ADAMTS12: variants seen among roughly 807,000 people sequenced by gnomAD.
The protein encoded by ADAMTS12 is A disintegrin and metalloproteinase with thrombospondin motifs 12.
A neutral mutation model predicts 167.8 loss-of-function variants in ADAMTS12; 118 were observed. The observed-to-expected ratio is 0.70, with a 90% CI of 0.61 to 0.82. The LOEUF is 0.82. Among genes scored for constraint, ADAMTS12 ranks in the 40% least tolerant of loss-of-function variants. The probability of loss-of-function intolerance (pLI) is 0.00; values close to 1 mark genes in which losing one functional copy is unlikely to be tolerated. For missense variants in ADAMTS12, 1,916 were observed against 1,998.8 expected, an observed-to-expected ratio of 0.96 and a Z score of 0.79; for synonymous variants, 704 against 716.9, an observed-to-expected ratio of 0.98 and a Z score of 0.29.
intron 13 of ADAMTS12, among the ~76,000 whole-genome samples, chr5:33,625,457 C>G (rs1202839364): frequency 6.6e-6 from 1 of 152,172 alleles, no homozygotes; most frequent in Non-Finnish European, 1.5e-5. Context: ...AAGCTGACAT[C>G]TACAACCACA....
intron 5 of ADAMTS12, among the ~76,000 whole-genome samples, chr5:33,678,908 T>A (rs1742013297): frequency 6.6e-6 from 1 of 152,028 alleles, no homozygotes; most frequent in Non-Finnish European, 1.5e-5. Flanking sequence ...TGAATTGAAG[T>A]GATATAAATG....
intron 14 of ADAMTS12, among the ~76,000 whole-genome samples, chr5:33,621,586 C>T (rs1279537553): frequency 1.3e-5 from 2 of 152,084 alleles, no homozygotes; most frequent in Non-Finnish European, 2.9e-5. Context: ...CAGTCTTTGA[C>T]ATTTCTAATA....
chr5:33,873,486 T>C (rs916895140), intron 2 of ADAMTS12, among the ~76,000 whole-genome samples: 2 of 152,206 alleles, frequency 1.3e-5, no homozygotes, highest in Non-Finnish European at 2.9e-5. Flanking sequence ...AAATGTTAGT[T>C]CTTTCCAACT....
At chr5:33,744,455 G>T (rs574632001) in intron 3 of ADAMTS12, among the ~76,000 whole-genome samples, 1 of 152,320 alleles carries the variant, frequency 6.6e-6, no homozygotes, top group South Asian at 2.1e-4. Context: ...AAAGAGCTGG[G>T]TCTTTATCCT....
chr5:33,832,939 A>ATGTT (rs1554046037), intron 2 of ADAMTS12, among the ~76,000 whole-genome samples: 36 of 145,678 alleles, frequency 2.5e-4, no homozygotes, highest in Middle Eastern at 3.7e-3. Context: ...TTATTCCTCT[A>ATGTT]TCTTTAACTT....
chr5:33,659,502 C>A (rs920854111), intron 6 of ADAMTS12, among the ~76,000 whole-genome samples: 16 of 152,208 alleles, frequency 1.1e-4, no homozygotes, highest in Middle Eastern at 3.2e-3. Flanking sequence ...GTGCTCATTG[C>A]TGATCCCCTG....
At chr5:33,697,436 G>A (rs1742823445) in intron 3 of ADAMTS12, among the ~76,000 whole-genome samples, 2 of 152,220 alleles carry the variant, frequency 1.3e-5, no homozygotes, top group African/African-American at 4.8e-5. Flanking sequence ...ACAGAGATGA[G>A]TAAAAGCAAC....
Position 33,786,034 on chromosome 5 carries a change from T to C in ADAMTS12, c.490-34486A>G, listed in dbSNP as rs116842278. Among the ~76,000 whole-genome samples the C allele has an allele frequency of 1.4e-4, 22 of 152,296 alleles. No homozygotes were observed. In the East Asian group the frequency reaches 1.7e-3, roughly 12 times the overall value. On this transcript the variant is annotated intron_variant, in intron 2 of 23. Transcript: ENST00000504830. Reference sequence around the variant, plus strand: ...TGCAACATAAATGAACCTCAAAATATTATGCAAAGTGAAAGAAACCAGATA... The same window carrying C: ...TGCAACATAAATGAACCTCAAAATACTATGCAAAGTGAAAGAAACCAGATA...
chr5:33,682,617 G>T (rs142505797), intron 5 of ADAMTS12, among the ~76,000 whole-genome samples: 1 of 152,310 alleles, frequency 6.6e-6, no homozygotes, highest in East Asian at 1.9e-4. Context: ...TCCCAAATCT[G>T]AGAGGCTTGT....
intron 2 of ADAMTS12, among the ~76,000 whole-genome samples, chr5:33,838,256 T>G (rs935548968): frequency 1.3e-5 from 2 of 152,226 alleles, no homozygotes; most frequent in African/African-American, 4.8e-5. Flanking sequence ...TTATATAGTT[T>G]GTTAGATTTC....
At chr5:33,655,625 A>AAT (rs1741027846) in intron 7 of ADAMTS12, among the ~76,000 whole-genome samples, 1 of 36,768 alleles carries the variant, frequency 2.7e-5, no homozygotes, top group African/African-American at 5.5e-5. Flanking sequence ...TTTTAGTTTT[A>AAT]TTTATTTAAT....
chr5:33,559,301 T>A (rs1745627690), intron 20 of ADAMTS12, among the ~76,000 whole-genome samples: 9 of 152,164 alleles, frequency 5.9e-5, no homozygotes. Context: ...GTTGATCATG[T>A]ATGGCAAACA....
chr5:33,570,368 G>A (rs949835658), intron 19 of ADAMTS12, among the ~76,000 whole-genome samples: 1 of 152,192 alleles, frequency 6.6e-6, no homozygotes, highest in Non-Finnish European at 1.5e-5. Context: ...TACCCACAAA[G>A]GGAAGCCCAT....
At chr5:33,661,576 A>G (rs536855412) in intron 6 of ADAMTS12, among the ~76,000 whole-genome samples, 1 of 152,350 alleles carries the variant, frequency 6.6e-6, no homozygotes, top group African/African-American at 2.4e-5. Flanking sequence ...AAGTAACAAG[A>G]GTCTTTAATG....
At chr5:33,799,342 A>G (rs528115698) in intron 2 of ADAMTS12, among the ~76,000 whole-genome samples, 1 of 152,292 alleles carries the variant, frequency 6.6e-6, no homozygotes, top group South Asian at 2.1e-4. Flanking sequence ...ACTCATCATC[A>G]GGCCTCACTG....
intron 7 of ADAMTS12, among the ~76,000 whole-genome samples, chr5:33,655,628 T>TATTTAATTTAATTTAATTTA (rs1554032472): frequency 1.4e-5 from 2 of 145,700 alleles, no homozygotes; most frequent in African/African-American, 2.5e-5. Flanking sequence ...TAGTTTTATT[T>TATTTAATTTAATTTAATTTA]ATTTAATTTA....
At position 33,618,890 on chromosome 5, in the gene ADAMTS12, G is replaced by A. The variant is rs535224513; in HGVS notation, c.2144-2818C>T. Among the ~76,000 whole-genome samples the A allele has an allele frequency of 2.8e-4, 42 of 152,116 alleles. 1 individual carries two copies. Among genetic ancestry groups the A allele is most frequent in the African/African-American group, 9.4e-4 (39 of 41,548 alleles). On this transcript the variant is annotated intron_variant, in intron 14 of 23. Coordinates refer to ENST00000504830, the MANE Select transcript of ADAMTS12 (RefSeq NM_030955.4). ...TTTCTAGGACAATGGCATCTTCAAC[G>A]TTGTAATCCTTCCAGACTTTCATGA...
At chr5:33,819,236 T>A (rs1747782903) in intron 2 of ADAMTS12, among the ~76,000 whole-genome samples, 1 of 152,180 alleles carries the variant, frequency 6.6e-6, no homozygotes, top group African/African-American at 2.4e-5. Context: ...TACATTTAGA[T>A]CTTTTAACCA....
intron 2 of ADAMTS12, among the ~76,000 whole-genome samples, chr5:33,855,670 G>GT (rs34334794): frequency 0.49 from 74,530 of 151,802 alleles, 20,612 homozygotes; most frequent in African/African-American, 0.74. Flanking sequence ...TGGGAGAAAT[G>GT]TTTTTTTTCT....
Sources: gnomAD v4.1 joint callset for allele counts (sites outside exome capture counted in the v4.1 genomes callset) on GRCh38, gnomAD v4.1.1 for gene constraint, MANE v1.5 for transcripts, NCBI Gene and HGNC (gene_info 2026-07-23, HGNC 2026-07-21) for gene names.